The following AGBL4 variants were observed in gnomAD, a reference collection of about 807,000 sequenced individuals.
AGBL4 encodes the protein AGBL carboxypeptidase 4.
Under a neutral mutation model 66.4 loss-of-function variants are expected in AGBL4, and 58 were observed. That is an observed-to-expected ratio of 0.87 (90% CI 0.71 to 1.09). AGBL4 has a LOEUF of 1.09. Ranked by LOEUF, AGBL4 falls within the 50% of genes least tolerant of loss-of-function variation. The pLI is 0.00. For synonymous variants in AGBL4, 234 were observed against 222.9 expected (o/e 1.05, Z -0.44); for missense variants, 579 against 631.0 (o/e 0.92, Z 0.88).
chr1:49,053,698 TA>T (rs936452039), intron 4 of AGBL4, among the ~76,000 whole-genome samples: 7 of 152,184 alleles, frequency 4.6e-5, no homozygotes, highest in African/African-American at 1.4e-4. Flanking sequence ...TTAAAATTCT[TA>T]AAAAAATTTT....
In AGBL4 at chr1:49,018,493, A is replaced by G. The variant is rs371789500; in HGVS notation, c.594+27091T>C. On this transcript the variant is annotated intron_variant, in intron 5 of 13. Transcript: ENST00000371839. ...GTGGTAATAAACAGAAGGGAGGAGA[A>G]GCACTATGTCACCACCCACTTAACT... Among the ~76,000 whole-genome samples the G allele has an allele frequency of 1.5e-4, 23 of 152,326 alleles. 1 individual carries two copies. The East Asian group carries it at 3.3e-3, about 22-fold the overall frequency.
At chr1:49,232,331 A>T (rs748113025) in intron 4 of AGBL4, among the ~76,000 whole-genome samples, 11 of 152,086 alleles carry the variant, frequency 7.2e-5, no homozygotes, top group Non-Finnish European at 1.5e-4. Context: ...ATAAACCCTA[A>T]ATTCAAGGGT....
chr1:49,741,908 A>T (rs571206636), intron 2 of AGBL4, among the ~76,000 whole-genome samples: 97 of 152,250 alleles, frequency 6.4e-4, no homozygotes, highest in Non-Finnish European at 1.0e-3. Flanking sequence ...TCTCAAAATA[A>T]TAAGAGCTAT....
At chr1:49,656,410 C>T (rs1034213421) in intron 3 of AGBL4, among the ~76,000 whole-genome samples, 10 of 152,060 alleles carry the variant, frequency 6.6e-5, no homozygotes, top group African/African-American at 1.2e-4. Flanking sequence ...GATTCACAGC[C>T]GAATTCTACC....
chr1:49,050,885 A>T (rs1644197303), intron 4 of AGBL4, among the ~76,000 whole-genome samples: 1 of 152,122 alleles, frequency 6.6e-6, no homozygotes, highest in African/African-American at 2.4e-5. Context: ...GACTAAGTTG[A>T]CTTATGAGTG....
chr1:49,662,224 A>T (rs1399488977), intron 3 of AGBL4, among the ~76,000 whole-genome samples: 4 of 151,172 alleles, frequency 2.6e-5, no homozygotes, highest in South Asian at 4.2e-4. Flanking sequence ...GTATATATAT[A>T]ACACATACAT....
chr1:49,372,667 C>A (rs535649148), intron 3 of AGBL4, among the ~76,000 whole-genome samples: 99 of 74,480 alleles, frequency 1.3e-3, no homozygotes, highest in Non-Finnish European at 2.7e-3. Context: ...TTCTTTCTTT[C>A]TTTCTTTCTT....
chr1:49,597,185 T>A (rs1282153363), intron 3 of AGBL4, among the ~76,000 whole-genome samples: 1 of 152,190 alleles, frequency 6.6e-6, no homozygotes, highest in Admixed American at 6.5e-5. Context: ...TAAGAATCAA[T>A]TAGATAAGAA....
At chr1:49,400,603 A>G (rs1206348240) in intron 3 of AGBL4, among the ~76,000 whole-genome samples, 2 of 151,660 alleles carry the variant, frequency 1.3e-5, no homozygotes, top group Admixed American at 1.3e-4. Context: ...GTTAACTACT[A>G]GGTGTTTAAT....
At chr1:49,021,407 A>G (rs886769662) in intron 5 of AGBL4, among the ~76,000 whole-genome samples, 5 of 152,076 alleles carry the variant, frequency 3.3e-5, no homozygotes, top group Non-Finnish European at 5.9e-5. Flanking sequence ...TAAATCCCCA[A>G]TGTATTGTTA....
chr1:49,157,327 G>A (rs1441902038), intron 4 of AGBL4, among the ~76,000 whole-genome samples: 1 of 150,788 alleles, frequency 6.6e-6, no homozygotes, highest in Non-Finnish European at 1.5e-5. Context: ...GTGAGAACAT[G>A]AGGTGTTTGG....
chr1:49,744,899 G>A (rs937071822), intron 2 of AGBL4, among the ~76,000 whole-genome samples: 5 of 151,944 alleles, frequency 3.3e-5, no homozygotes, highest in Non-Finnish European at 7.4e-5. Flanking sequence ...AGAGCTAACA[G>A]AAGAAAATAA....
At chr1:48,885,520 G>T (rs1016461566) in intron 5 of AGBL4, among the ~76,000 whole-genome samples, 1 of 152,154 alleles carries the variant, frequency 6.6e-6, no homozygotes, top group Non-Finnish European at 1.5e-5. Flanking sequence ...CTAACACCAA[G>T]ACCGGCCACA....
intron 4 of AGBL4, among the ~76,000 whole-genome samples, chr1:49,055,902 T>C (rs1453312821): frequency 6.6e-6 from 1 of 152,210 alleles, no homozygotes; most frequent in Non-Finnish European, 1.5e-5. Context: ...CAATTTTTTT[T>C]AGTTCTCCTA....
chr1:49,742,977 G>A (rs1379666327), intron 2 of AGBL4, among the ~76,000 whole-genome samples: 2 of 152,224 alleles, frequency 1.3e-5, no homozygotes, highest in East Asian at 3.9e-4. Flanking sequence ...ATACCATTCA[G>A]GACATAGGCA....
intron 2 of AGBL4, among the ~76,000 whole-genome samples, chr1:49,736,101 G>T (rs1290811809): frequency 6.6e-6 from 1 of 151,584 alleles, no homozygotes; most frequent in Middle Eastern, 3.4e-3. Context: ...AGGAAATAAA[G>T]AAAAAAGGGA....
intron 1 of AGBL4, among the ~76,000 whole-genome samples, chr1:49,881,798 G>C (rs1450230110): frequency 2.0e-5 from 3 of 151,526 alleles, no homozygotes; most frequent in Non-Finnish European, 4.4e-5. Context: ...CCCTTTGTCA[G>C]ATGAGTAGGT....
chr1:48,955,507 T>G (rs1657373102), intron 5 of AGBL4, among the ~76,000 whole-genome samples: 1 of 152,182 alleles, frequency 6.6e-6, no homozygotes, highest in South Asian at 2.1e-4. Context: ...GCCATTTTTG[T>G]TTTTATTGTT....
chr1:50,015,289 C>T (rs1219360318), intron 1 of AGBL4, among the ~76,000 whole-genome samples: 2 of 152,174 alleles, frequency 1.3e-5, no homozygotes, highest in African/African-American at 2.4e-5. Context: ...CTCTATGTTG[C>T]CTGAATGATA....
Sources: gnomAD v4.1 joint callset for allele counts (sites outside exome capture counted in the v4.1 genomes callset) on GRCh38, gnomAD v4.1.1 for gene constraint, MANE v1.5 for transcripts, NCBI Gene and HGNC (gene_info 2026-07-23, HGNC 2026-07-21) for gene names.